RPN2: variants seen among roughly 807,000 people sequenced by gnomAD.
RPN2 encodes the protein ribophorin II.
In RPN2, 29 loss-of-function variants were observed where a neutral mutation model predicts 71.4. The ratio of observed to expected loss-of-function variants is 0.41; its 90% confidence interval spans 0.30 to 0.55. RPN2 has a LOEUF of 0.55. Among genes scored for constraint, RPN2 ranks in the 20% least tolerant of loss-of-function variants. The probability of loss-of-function intolerance (pLI) is 0.35; values close to 1 mark genes in which losing one functional copy is unlikely to be tolerated. For missense variants in RPN2, 726 were observed against 774.1 expected, an observed-to-expected ratio of 0.94 and a Z score of 0.74; for synonymous variants, 308 against 305.0, an observed-to-expected ratio of 1.01 and a Z score of -0.10.
chr20:37,201,123 G>A (rs1600770261), intron 4 of RPN2, among the ~76,000 whole-genome samples: 1 of 151,264 alleles, frequency 6.6e-6, no homozygotes, highest in African/African-American at 2.4e-5. Flanking sequence ...GATAATAGGT[G>A]TGAAGACCCT....
intron 9 of RPN2, among the ~76,000 whole-genome samples, chr20:37,217,891 G>A (rs1568987493): frequency 6.6e-6 from 1 of 151,886 alleles, no homozygotes; most frequent in Non-Finnish European, 1.5e-5. Context: ...ACGCCACCAT[G>A]CCTGGCTAAT....
chr20:37,229,972 G>T lies in RPN2; in HGVS notation c.1495-1G>T. 6.2e-7 allele frequency: 1 copy of T among 1,612,886 alleles called. No individual in the cohort carries two copies. The highest frequency in any genetic ancestry group is 1.1e-5 in the South Asian group (1 of 91,054). On this transcript the variant is annotated splice_acceptor_variant, in intron 12 of 16. Transcript: ENST00000237530. LOFTEE classifies it high-confidence loss of function. ...TTTACAGACTGTCCTTATTTTTCTA[G>T]GCTGATGTGGTCATCAAGTTCCCTG... is the stretch of plus-strand genomic sequence containing the variant.
intron 15 of RPN2, among the ~76,000 whole-genome samples, chr20:37,236,093 T>TTGTGGGTGTGTG (rs6147337): frequency 0.77 from 116,330 of 150,874 alleles, 45,320 homozygotes; most frequent in Middle Eastern, 0.89. Context: ...TTACCCCTGT[T>TTGTGGGTGTGTG]TGTGGGTGTG....
At chr20:37,198,846 G>T (rs1476365307) in intron 3 of RPN2, among the ~76,000 whole-genome samples, 1 of 152,104 alleles carries the variant, frequency 6.6e-6, no homozygotes, top group Non-Finnish European at 1.5e-5. Flanking sequence ...TAAGTAGAAA[G>T]GTAACTTGTC....
In RPN2 at chr20:37,193,340, C is replaced by A. The variant is rs57026142; in HGVS notation, c.208-5057C>A. On this transcript the variant is annotated intron_variant, in intron 2 of 16. Coordinates refer to ENST00000237530, the MANE Select transcript of RPN2 (RefSeq NM_002951.5). Reference sequence around the variant, plus strand: ...GGGAGAGGAGGAGTTAACTGTGAGACGAAGGAGAGAAGGGACTTCAGGCAG... The same window carrying A: ...GGGAGAGGAGGAGTTAACTGTGAGAAGAAGGAGAGAAGGGACTTCAGGCAG... Among the ~76,000 whole-genome samples the A allele has an allele frequency of 8.5e-3, 1,294 of 152,042 alleles. 19 individuals carry two copies. The highest frequency in any genetic ancestry group is 0.029 in the African/African-American group (1,193 of 41,458).
At chr20:37,203,119 C>T (rs755234119) in intron 4 of RPN2, among the ~76,000 whole-genome samples, 6 of 152,092 alleles carry the variant, frequency 3.9e-5, no homozygotes, top group Non-Finnish European at 8.8e-5. Flanking sequence ...AAGATGAGGT[C>T]TCACTGTATT....
In RPN2 at chr20:37,199,200, C is replaced by T. The variant is rs2067324877; in HGVS notation, c.454C>T (p.Leu152Phe). 6.2e-7 allele frequency: 1 copy of T among 1,614,126 alleles called. No homozygotes were observed. Among genetic ancestry groups the T allele is most frequent in the Non-Finnish European group, 8.5e-7 (1 of 1,180,050 alleles). Reference sequence around the variant, plus strand: ...AGCACTCAGTGCCCTTACTGCTCGTCTCAGCAAGGAGGAGACTGTGCTGGC... The same window carrying T: ...AGCACTCAGTGCCCTTACTGCTCGTTTCAGCAAGGAGGAGACTGTGCTGGC... ...QEALSALTARLSKEETVLATV... is the reference protein window; with the variant it reads ...QEALSALTARFSKEETVLATV... Residue 152 changes from leucine to phenylalanine, a missense_variant, in exon 4 of 17, where the codon CTC becomes TTC. Leu to Phe is a conservative substitution (Grantham distance 22, BLOSUM62 0). Coordinates refer to ENST00000237530, the MANE Select transcript of RPN2 (RefSeq NM_002951.5).
intron 16 of RPN2, among the ~76,000 whole-genome samples, chr20:37,237,250 T>G (rs1234209109): frequency 6.6e-6 from 1 of 152,162 alleles, no homozygotes; most frequent in African/African-American, 2.4e-5. Context: ...TAGAGTCACA[T>G]GGATGGTCAG....
chr20:37,211,314 C>T (rs1434580010), intron 8 of RPN2, among the ~76,000 whole-genome samples: 4 of 148,362 alleles, frequency 2.7e-5, no homozygotes, highest in African/African-American at 9.8e-5. Flanking sequence ...GGATTACAGG[C>T]GTGAGCCATT....
Position 37,225,670 on chromosome 20 carries a change from T to G in RPN2, c.1185-18T>G. The G allele has an allele frequency of 6.5e-7, 1 of 1,540,286 alleles. No homozygotes were observed. The highest frequency in any genetic ancestry group is 1.4e-5 in the African/African-American group (1 of 73,618). Reference sequence around the variant, plus strand: ...ATACTGATCCTCTCTGAAGACTAACTCTATATGCCTCTTTCAGGGTGACAT... The same window carrying G: ...ATACTGATCCTCTCTGAAGACTAACGCTATATGCCTCTTTCAGGGTGACAT... On this transcript the variant is annotated intron_variant, in intron 10 of 16. Transcript: ENST00000237530.
At position 37,223,972 on chromosome 20, in the gene RPN2, A is replaced by G. The variant is rs1418046425; in HGVS notation, c.1184+3A>G. ...AGCATTGCACCCAAAACTACCCGGTAGGTGAGATGCCACCTGATCACTCAG... is the reference window on the plus strand; with the variant it reads ...AGCATTGCACCCAAAACTACCCGGTGGGTGAGATGCCACCTGATCACTCAG... On this transcript the variant is annotated splice_donor_region_variant and intron_variant, in intron 10 of 16. Coordinates refer to ENST00000237530, the MANE Select transcript of RPN2 (RefSeq NM_002951.5). 4 of 1,613,162 alleles carry G rather than the reference A, an allele frequency of 2.5e-6. No homozygotes were observed. Among genetic ancestry groups the G allele is most frequent in the Non-Finnish European group, 3.4e-6 (4 of 1,179,140 alleles).
chr20:37,202,643 G>GTA (rs1427584793), intron 4 of RPN2, among the ~76,000 whole-genome samples: 3 of 152,138 alleles, frequency 2.0e-5, no homozygotes, highest in Non-Finnish European at 4.4e-5. Context: ...AGTCTTACAT[G>GTA]TATACATCTA....
intron 9 of RPN2, among the ~76,000 whole-genome samples, chr20:37,223,637 T>TC (rs1277795068): frequency 1.4e-5 from 2 of 148,060 alleles, no homozygotes; most frequent in African/African-American, 2.4e-5. Flanking sequence ...TTCTTCTTCT[T>TC]TTTTTTTTTT....
chr20:37,229,118 G>A, intron 12 of RPN2, among the ~76,000 whole-genome samples: 1 of 152,180 alleles, frequency 6.6e-6, no homozygotes, highest in South Asian at 2.1e-4. Flanking sequence ...TCATGGGAGG[G>A]ATGAGATCTG....
intron 1 of RPN2, among the ~76,000 whole-genome samples, chr20:37,180,231 A>T (rs2066825344): frequency 2.0e-5 from 3 of 152,182 alleles, no homozygotes; most frequent in African/African-American, 4.8e-5. Context: ...TCACCGTTTC[A>T]TTATTTGAGA....
At chr20:37,222,624 T>A (rs1468465603) in intron 9 of RPN2, among the ~76,000 whole-genome samples, 1 of 152,244 alleles carries the variant, frequency 6.6e-6, no homozygotes, top group Non-Finnish European at 1.5e-5. Flanking sequence ...CCCAGCCCGT[T>A]ATCTCTATTC....
intron 1 of RPN2, chr20:37,179,641 CT>C: frequency 1.4e-6 from 1 of 717,330 alleles, no homozygotes; most frequent in Non-Finnish European, 2.1e-6. Flanking sequence ...CGCGGACGCG[CT>C]TAGCCTAGGT....
In RPN2 at chr20:37,184,340, C is replaced by G. The variant is rs1342836612; in HGVS notation, c.174C>G (p.Leu58=). The G allele has an allele frequency of 6.2e-7, 1 of 1,614,216 alleles. No individual in the cohort carries two copies. Among genetic ancestry groups the G allele is most frequent in the Non-Finnish European group, 8.5e-7 (1 of 1,180,042 alleles). Residue 58 remains leucine (L), a synonymous_variant, in exon 2 of 17, where the codon CTC becomes CTG. Coordinates refer to ENST00000237530, the MANE Select transcript of RPN2 (RefSeq NM_002951.5). ...CTGCCTTCTACTCCATCGTGGGACT[C>G]AGCAGCCTTGGTGCTCAGGTGCCAG... ...LESAFYSIVG[L]SSLGAQVPDA...
At chr20:37,214,232 T>G (rs79709804) in intron 9 of RPN2, among the ~76,000 whole-genome samples, 317 of 152,334 alleles carry the variant, frequency 2.1e-3, no homozygotes, top group Non-Finnish European at 3.3e-3. Context: ...GAAAAGTGCT[T>G]GATGCCAAAT....
Sources: allele counts gnomAD v4.1 joint callset (sites outside exome capture counted in the v4.1 genomes callset), GRCh38; gene constraint gnomAD v4.1.1; transcripts MANE v1.5; gene names NCBI Gene and HGNC (gene_info 2026-07-23, HGNC 2026-07-21).